The following NBAS variants were observed in gnomAD, a reference collection of about 807,000 sequenced individuals.
NBAS encodes the protein NAG/BC035112 fusion.
NBAS carries 219 observed loss-of-function variants against 302.5 expected under a neutral mutation model. The ratio of observed to expected loss-of-function variants is 0.72; its 90% confidence interval spans 0.65 to 0.81. The LOEUF is 0.81. NBAS is among the 30% of genes least tolerant of loss of function. The pLI is 0.00. For missense variants in NBAS, 2,932 were observed against 2,841.6 expected (o/e 1.03, Z -0.72); for synonymous variants, 1,118 against 1,021.6 (o/e 1.09, Z -1.80).
At chr2:14,783,230 A>G in the NBAS span, among the ~76,000 whole-genome samples, 2 of 152,164 alleles carry the variant, frequency 1.3e-5, no homozygotes, top group African/African-American at 2.4e-5. Context: ...GTTGTGACTA[A>G]ACGTACTGGA....
chr2:15,289,772 C>T (rs924656547), intron 41 of NBAS, among the ~76,000 whole-genome samples: 17 of 152,060 alleles, frequency 1.1e-4, no homozygotes, highest in Admixed American at 5.2e-4. Flanking sequence ...CCAAGGCAGG[C>T]GGATCACGAG....
the NBAS span, among the ~76,000 whole-genome samples, chr2:15,008,226 C>T: frequency 6.6e-6 from 1 of 152,236 alleles, no homozygotes; most frequent in African/African-American, 2.4e-5. Context: ...CATAGGGCCT[C>T]ATCATCTACT....
At chr2:15,532,687 T>C (rs1411820639) in intron 9 of NBAS, among the ~76,000 whole-genome samples, 1 of 152,048 alleles carries the variant, frequency 6.6e-6, no homozygotes, top group Non-Finnish European at 1.5e-5. Flanking sequence ...TATTTAAATG[T>C]ATGAAAACAA....
intron 30 of NBAS, among the ~76,000 whole-genome samples, chr2:15,377,073 A>C (rs1026442519): frequency 6.6e-6 from 1 of 152,206 alleles, no homozygotes; most frequent in African/African-American, 2.4e-5. Context: ...AAGAACCACA[A>C]TTTTAAAAAA....
intron 44 of NBAS, among the ~76,000 whole-genome samples, chr2:15,253,065 A>G (rs1445611271): frequency 6.6e-6 from 1 of 152,166 alleles, no homozygotes. Context: ...AAGAGGACAG[A>G]ATGAGGAATT....
chr2:14,936,195 A>G, the NBAS span, among the ~76,000 whole-genome samples: 8 of 152,226 alleles, frequency 5.3e-5, no homozygotes, highest in African/African-American at 1.9e-4. Flanking sequence ...AGGAAAAACC[A>G]TAGCAGAATT....
Position 15,275,741 on chromosome 2 carries a change from T to C in NBAS, c.5467A>G (p.Ile1823Val), listed in dbSNP as rs201084909. 1 of 1,614,168 alleles carries C rather than the reference T, an allele frequency of 6.2e-7. No individual in the cohort carries two copies. Among genetic ancestry groups the C allele is most frequent in the Non-Finnish European group, 8.5e-7 (1 of 1,180,026 alleles). Residue 1823 changes from isoleucine to valine, a missense_variant, in exon 44 of 52, where the codon ATC becomes GTC. Physicochemically the swap from Ile to Val is conservative, Grantham distance 29. Transcript: ENST00000281513. ...GGAACAAGTTTGGAAATAGACAAGATATTTTGACTTGAAAGAACTGGCTCC... is the reference window on the plus strand; with the variant it reads ...GGAACAAGTTTGGAAATAGACAAGACATTTTGACTTGAAAGAACTGGCTCC... ...ALEPVLSSQN[I>V]LSISKLVPKI...
At chr2:15,219,044 C>T (rs1232801370) in intron 47 of NBAS, 76 bp from the exon 48 acceptor site, 9 of 1,543,538 alleles carry the variant, frequency 5.8e-6, no homozygotes, top group African/African-American at 1.4e-5. Context: ...CAAATGTGGT[C>T]ACTGACCTAA....
chr2:15,155,432 CA>C, the NBAS span, among the ~76,000 whole-genome samples: 5 of 152,128 alleles, frequency 3.3e-5, no homozygotes, highest in African/African-American at 1.2e-4. Context: ...AGCACTTAAG[CA>C]AAGTGAGAAT....
At chr2:15,161,502 G>A in the NBAS span, among the ~76,000 whole-genome samples, 1 of 152,186 alleles carries the variant, frequency 6.6e-6, no homozygotes, top group Non-Finnish European at 1.5e-5. Context: ...CATGGAGAAC[G>A]CTAAGTAACC....
intron 40 of NBAS, among the ~76,000 whole-genome samples, chr2:15,304,066 G>A (rs556675421): frequency 6.6e-6 from 1 of 152,284 alleles, no homozygotes; most frequent in South Asian, 2.1e-4. Context: ...TGATGGAGTG[G>A]CTGATATGGT....
chr2:15,390,574 C>G (rs1483361343), intron 28 of NBAS, among the ~76,000 whole-genome samples: 1 of 150,908 alleles, frequency 6.6e-6, no homozygotes, highest in Non-Finnish European at 1.5e-5. Flanking sequence ...TGGGATCACG[C>G]TAAAAGAGTA....
chr2:15,135,773 G>T, the NBAS span, among the ~76,000 whole-genome samples: 1 of 151,702 alleles, frequency 6.6e-6, no homozygotes, highest in East Asian at 1.9e-4. Flanking sequence ...TAGAGCAGGG[G>T]TGTCCAATCT....
the NBAS span, among the ~76,000 whole-genome samples, chr2:14,972,842 T>C: frequency 6.6e-6 from 1 of 152,242 alleles, no homozygotes; most frequent in African/African-American, 2.4e-5. Flanking sequence ...TAACTGTCAC[T>C]TAAGCCCTCG....
intron 43 of NBAS, 132 bp downstream of exon 43, chr2:15,276,719 A>C: frequency 2.3e-6 from 3 of 1,327,708 alleles, no homozygotes; most frequent in Admixed American, 1.9e-5. Context: ...TAATAACTAA[A>C]GTCGATTAGC....
In NBAS at chr2:15,188,824, G is replaced by A. The variant is rs141161093; in HGVS notation, c.6572+1440C>T. 1.8e-4 allele frequency among the ~76,000 whole-genome samples: 27 copies of A among 152,310 alleles called. No homozygotes were observed. In the East Asian group the frequency reaches 5.2e-3, roughly 29 times the overall value. On this transcript the variant is annotated intron_variant, in intron 49 of 51. Transcript: ENST00000281513. ...AAACTAAAGTTAATCTCTTAGAGGT[G>A]TCATATTTTGAATTGGGAAATGAGG...
At chr2:14,891,639 G>A in the NBAS span, among the ~76,000 whole-genome samples, 2 of 152,154 alleles carry the variant, frequency 1.3e-5, no homozygotes, top group East Asian at 1.9e-4. Flanking sequence ...ATGACGGAGA[G>A]CAAATGGAGT....
At chr2:15,326,262 G>C (rs1250258178) in intron 38 of NBAS, among the ~76,000 whole-genome samples, 1 of 152,182 alleles carries the variant, frequency 6.6e-6, no homozygotes, top group Non-Finnish European at 1.5e-5. Flanking sequence ...ACATAGCGTT[G>C]CCATAAACCT....
At chr2:15,390,098 ATAAAACTGCC>A (rs1675514729) in intron 28 of NBAS, among the ~76,000 whole-genome samples, 1 of 152,222 alleles carries the variant, frequency 6.6e-6, no homozygotes, top group Non-Finnish European at 1.5e-5. Flanking sequence ...AACGCCTACA[ATAAAACTGCC>A]TGAGGCTAGG....
Sources: gnomAD v4.1 joint callset for allele counts (sites outside exome capture counted in the v4.1 genomes callset) on GRCh38, gnomAD v4.1.1 for gene constraint, MANE v1.5 for transcripts, NCBI Gene and HGNC (gene_info 2026-07-23, HGNC 2026-07-21) for gene names.